CDH10: variants seen among roughly 807,000 people sequenced by gnomAD.
The protein encoded by CDH10 is cadherin-10.
A neutral mutation model predicts 73.1 loss-of-function variants in CDH10; 30 were observed. That is an observed-to-expected ratio of 0.41 (90% CI 0.31 to 0.56). The LOEUF (loss-of-function observed/expected upper bound fraction) is 0.56, where lower values mean the gene tolerates loss of function less well. Ranked by LOEUF, CDH10 falls within the 20% of genes least tolerant of loss-of-function variation. CDH10 has a pLI of 0.27. For synonymous variants in CDH10, 345 were observed against 348.2 expected, an observed-to-expected ratio of 0.99 and a Z score of 0.10; for missense variants, 815 against 973.7, an observed-to-expected ratio of 0.84 and a Z score of 2.17.
intron 2 of CDH10, chr5:24,578,399 C>T: frequency 3.8e-6 from 1 of 264,680 alleles, no homozygotes. Context: ...GACCAGAAGA[C>T]ACATGGATTC....
At chr5:24,489,802 A>T (rs1741983359) in intron 11 of CDH10, among the ~76,000 whole-genome samples, 1 of 152,126 alleles carries the variant, frequency 6.6e-6, no homozygotes, top group Non-Finnish European at 1.5e-5. Context: ...AAACCAGGTA[A>T]AAATCTATTT....
At chr5:24,620,595 A>G (rs1035899306) in intron 1 of CDH10, among the ~76,000 whole-genome samples, 4 of 152,324 alleles carry the variant, frequency 2.6e-5, no homozygotes, top group Non-Finnish European at 5.9e-5. Context: ...ATTTTTCCAT[A>G]TATATACTAA....
At chr5:24,500,790 T>C (rs1742463898) in intron 8 of CDH10, among the ~76,000 whole-genome samples, 1 of 152,226 alleles carries the variant, frequency 6.6e-6, no homozygotes, top group Admixed American at 6.5e-5. Context: ...TCTTCTTCAC[T>C]TTCTTATGTT....
chr5:24,582,887 A>C (rs575393318), intron 2 of CDH10, among the ~76,000 whole-genome samples: 1 of 152,322 alleles, frequency 6.6e-6, no homozygotes, highest in African/African-American at 2.4e-5. Context: ...AAAAATAGTT[A>C]CTTTCCTAGT....
intron 1 of CDH10, among the ~76,000 whole-genome samples, chr5:24,621,469 C>T (rs1747314668): frequency 6.6e-6 from 1 of 152,192 alleles, no homozygotes; most frequent in South Asian, 2.1e-4. Flanking sequence ...AACTCACTGT[C>T]AGCAAGAAGC....
intron 2 of CDH10, among the ~76,000 whole-genome samples, chr5:24,577,170 T>C (rs1245229673): frequency 6.6e-6 from 1 of 151,906 alleles, no homozygotes; most frequent in Non-Finnish European, 1.5e-5. Flanking sequence ...CTGGTGGAAT[T>C]CTAGAGGTGA....
intron 1 of CDH10, among the ~76,000 whole-genome samples, chr5:24,620,786 C>T (rs1220245464): frequency 1.3e-5 from 2 of 151,984 alleles, no homozygotes; most frequent in South Asian, 2.1e-4. Flanking sequence ...CCATACCAGT[C>T]TGTATTCATA....
intron 2 of CDH10, among the ~76,000 whole-genome samples, chr5:24,574,279 T>C (rs553174650): frequency 8.9e-4 from 136 of 152,216 alleles, no homozygotes; most frequent in African/African-American, 3.1e-3. Context: ...TGACCAAATA[T>C]GTCACTTTTT....
rs1160399122 is a variant in CDH10 at position 24,633,105 on chromosome 5, G to T, written c.-124+11489C>A. Among the ~76,000 whole-genome samples, 4 of 74,720 alleles carry T rather than the reference G, an allele frequency of 5.4e-5. No individual in the cohort carries two copies. The Admixed American group carries it at 7.2e-4, about 13-fold the overall frequency. The allele number at this position is 74,720 out of a possible 152,430, so 49.0% of individuals were successfully genotyped here. ...TCAAATTTATTCATGTTTACCTTCA[G>T]ATAATAAAGTAAAGAAAATAAGAGG... On this transcript the variant is annotated intron_variant, in intron 1 of 11. Transcript: ENST00000264463.
At chr5:24,517,892 T>G (rs1743170181) in intron 5 of CDH10, among the ~76,000 whole-genome samples, 1 of 152,176 alleles carries the variant, frequency 6.6e-6, no homozygotes, top group Non-Finnish European at 1.5e-5. Context: ...CACAACAAAC[T>G]AAACCTAACG....
intron 11 of CDH10, among the ~76,000 whole-genome samples, chr5:24,491,074 C>G (rs913051493): frequency 6.6e-6 from 1 of 152,152 alleles, no homozygotes; most frequent in Non-Finnish European, 1.5e-5. Context: ...TACTACACCA[C>G]TCAAGAGGAA....
At chr5:24,587,126 G>A (rs886176109) in intron 2 of CDH10, among the ~76,000 whole-genome samples, 4 of 151,930 alleles carry the variant, frequency 2.6e-5, no homozygotes, top group African/African-American at 7.3e-5. Context: ...TTACAGGCGT[G>A]AGCCACCGCG....
chr5:24,492,190 T>A (rs1001483498), intron 10 of CDH10, among the ~76,000 whole-genome samples: 2 of 152,254 alleles, frequency 1.3e-5, no homozygotes, highest in Non-Finnish European at 2.9e-5. Flanking sequence ...GTGTGTTTTT[T>A]AATTTATGTG....
chr5:24,518,688 A>C (rs1743198841), intron 5 of CDH10, among the ~76,000 whole-genome samples: 1 of 151,968 alleles, frequency 6.6e-6, no homozygotes, highest in African/African-American at 2.4e-5. Context: ...TTCAATGAAT[A>C]TCATGTTTTT....
chr5:24,530,351 G>C (rs549012175), intron 5 of CDH10, among the ~76,000 whole-genome samples: 1 of 151,996 alleles, frequency 6.6e-6, no homozygotes, highest in African/African-American at 2.4e-5. Context: ...GTCCCAGTTG[G>C]TTTTGTCAAG....
At chr5:24,607,738 A>G (rs1296655760) in intron 1 of CDH10, among the ~76,000 whole-genome samples, 2 of 152,210 alleles carry the variant, frequency 1.3e-5, no homozygotes, top group Non-Finnish European at 2.9e-5. Flanking sequence ...GAGCAAGGAC[A>G]TTTTGTCTCA....
chr5:24,543,157 G>T (rs1744219840), intron 2 of CDH10, among the ~76,000 whole-genome samples: 1 of 151,992 alleles, frequency 6.6e-6, no homozygotes, highest in Non-Finnish European at 1.5e-5. Flanking sequence ...AAGAAAAAAA[G>T]TTGAATAGTG....
intron 11 of CDH10, among the ~76,000 whole-genome samples, chr5:24,490,133 TTC>T (rs1741996553): frequency 6.6e-6 from 1 of 152,170 alleles, no homozygotes; most frequent in Admixed American, 6.6e-5. Flanking sequence ...ATTAATATTA[TTC>T]TTACTAGAGA....
chr5:24,567,485 T>C (rs947899128), intron 2 of CDH10, among the ~76,000 whole-genome samples: 17 of 151,694 alleles, frequency 1.1e-4, no homozygotes, highest in African/African-American at 4.1e-4. Context: ...GAACCACTGA[T>C]TAAAATAATA....
Sources: allele counts gnomAD v4.1 joint callset (sites outside exome capture counted in the v4.1 genomes callset), GRCh38; gene constraint gnomAD v4.1.1; transcripts MANE v1.5; gene names NCBI Gene and HGNC (gene_info 2026-07-23, HGNC 2026-07-21).